THSD1: variants seen among roughly 807,000 people sequenced by gnomAD.
THSD1 encodes thrombospondin type 1 domain containing 1.
THSD1 carries 34 observed loss-of-function variants against 46.3 expected under a neutral mutation model. The observed-to-expected ratio is 0.74, with a 90% CI of 0.56 to 0.98. The LOEUF (loss-of-function observed/expected upper bound fraction) is 0.98, where lower values mean the gene tolerates loss of function less well. Among genes scored for constraint, THSD1 ranks in the 50% least tolerant of loss-of-function variants. The pLI is 0.00. For synonymous variants in THSD1, 407 were observed against 416.5 expected (o/e 0.98, Z 0.28); for missense variants, 1,023 against 1,058.3 (o/e 0.97, Z 0.46).
chr13:52,398,173 A>T lies in THSD1; in HGVS notation c.80T>A (p.Leu27His). The change falls in exon 3 of 5, where the codon CTT (leucine) becomes CAT (histidine). Residue 27 changes from leucine to histidine, a missense_variant. Coordinates refer to ENST00000258613, the MANE Select transcript of THSD1 (RefSeq NM_018676.4). The part of the protein sequence containing the change: ...CDYVLGEAEY[L>H]LLREPGHVAL... ...TACATGGCCTGGCTCTCTCAAGAGA[A>T]GATATTCAGCTTCTCCAAGAACTGA... is the stretch of plus-strand genomic sequence containing the variant. 1 of 1,613,150 alleles carries T rather than the reference A, an allele frequency of 6.2e-7. No homozygotes were observed. The highest frequency in any genetic ancestry group is 1.3e-5 in the African/African-American group (1 of 75,046).
intron 3 of THSD1, among the ~76,000 whole-genome samples, chr13:52,391,833 G>A (rs1001989742): frequency 2.0e-5 from 3 of 151,402 alleles, no homozygotes; most frequent in African/African-American, 7.3e-5. Context: ...GTGAGCCACC[G>A]CAGCCGGCAA....
rs755536945 is a variant in THSD1 at position 52,378,698 on chromosome 13, C to T, written c.1272G>A (p.Leu424=). Residue 424 remains leucine (L), a synonymous_variant, in exon 5 of 5, where the codon TTG becomes TTA. Coordinates refer to ENST00000258613, the MANE Select transcript of THSD1 (RefSeq NM_018676.4). ...TGAGCACAGTGGCAATGATGATGAA[C>T]AAGCACAAGGATATACCAGTGACAG... ...IVTVTGISLC[L]FIIIATVLIT... is the part of the protein sequence containing the mutation. The T allele has an allele frequency of 3.1e-6, 5 of 1,614,012 alleles. No homozygotes were observed. The Admixed American group carries it at 5.0e-5, about 16-fold the overall frequency.
intron 4 of THSD1, among the ~76,000 whole-genome samples, chr13:52,382,936 A>T (rs1482237056): frequency 6.6e-6 from 1 of 151,838 alleles, no homozygotes; most frequent in Non-Finnish European, 1.5e-5. Context: ...CAGGAGGCGG[A>T]GGTTGCAGTG....
chr13:52,397,108 G>C (rs1044206025), intron 3 of THSD1, 124 bp downstream of exon 3: 7 of 850,582 alleles, frequency 8.2e-6, no homozygotes, highest in Non-Finnish European at 1.1e-5. Flanking sequence ...ATGCCAATTG[G>C]TACATTATAA....
rs778224543 is a variant in THSD1 at position 52,397,660 on chromosome 13, T to C, written c.593A>G (p.Gln198Arg). The change falls in exon 3 of 5, where the codon CAA becomes CGA. Residue 198 changes from glutamine to arginine, a missense_variant. Physicochemically the swap from Gln to Arg is conservative, Grantham distance 43. Coordinates refer to ENST00000258613, the MANE Select transcript of THSD1 (RefSeq NM_018676.4). ...ACAGCCAAACTCAACCCACTGACCT[T>C]GAGCAAGTTCTGTCCTTTTGCTGGT... ...IRTSKRTELAQGQWVEFGCAP... is the reference protein window; with the variant it reads ...IRTSKRTELARGQWVEFGCAP... 6.2e-7 allele frequency: 1 copy of C among 1,614,246 alleles called. No individual in the cohort carries two copies. The highest frequency in any genetic ancestry group is 8.5e-7 in the Non-Finnish European group (1 of 1,180,046).
At chr13:52,394,860 A>G (rs1024280632) in intron 3 of THSD1, among the ~76,000 whole-genome samples, 6 of 152,174 alleles carry the variant, frequency 3.9e-5, no homozygotes, top group African/African-American at 9.7e-5. Flanking sequence ...GAGGGGATTT[A>G]TAGGGGGAGA....
chr13:52,387,671 G>A (rs1957743097), intron 3 of THSD1, among the ~76,000 whole-genome samples: 1 of 152,026 alleles, frequency 6.6e-6, no homozygotes, highest in African/African-American at 2.4e-5. Context: ...TTTAAAATAT[G>A]GTAACACAGA....
chr13:52,378,471 C>T lies in THSD1; in HGVS notation c.1499G>A (p.Arg500Gln). The change falls in exon 5 of 5, where the codon CGG becomes CAG. Residue 500 changes from arginine (R) to glutamine (Q), a missense_variant. Physicochemically the swap from Arg to Gln is conservative, Grantham distance 43. Transcript: ENST00000258613. ...ATCCTCGGGAGGTACCGGCCCGCTCCGCCTGTAGGTCAGAGGGATGCCTGT... is the reference window on the plus strand; with the variant it reads ...ATCCTCGGGAGGTACCGGCCCGCTCTGCCTGTAGGTCAGAGGGATGCCTGT... ...GDTGIPLTYR[R>Q]SGPVPPEDDA... 1 of 1,614,190 alleles carries T rather than the reference C, an allele frequency of 6.2e-7. No individual in the cohort carries two copies. The highest frequency in any genetic ancestry group is 1.3e-5 in the African/African-American group (1 of 75,048).
intron 4 of THSD1, 81 bp from the exon 5 acceptor site, chr13:52,378,870 T>G (rs1383301697): frequency 1.1e-5 from 15 of 1,411,158 alleles, no homozygotes; most frequent in South Asian, 1.5e-5. Context: ...TTTCTTTTTT[T>G]TTTTTTTTTT....
Position 52,378,453 on chromosome 13 carries a change from G to A in THSD1, c.1517C>T (p.Pro506Leu). ...LTYRRSGPVP[P>L]EDDASGSESF... The stretch of plus-strand genomic sequence containing the variant: ...CTCGCTGCCAGAGGCATCATCCTCG[G>A]GAGGTACCGGCCCGCTCCGCCTGTA... Residue 506 changes from proline to leucine, a missense_variant, in exon 5 of 5, where the codon CCC becomes CTC. Physicochemically the swap from Pro to Leu is moderately conservative, Grantham distance 98 (BLOSUM62 -3). Around this residue, in one of 3 missense-constraint regions of THSD1, gnomAD observed 578 missense variants for 497.4 expected, o/e 1.16. Coordinates refer to ENST00000258613, the MANE Select transcript of THSD1 (RefSeq NM_018676.4). 1 of 1,614,160 alleles carries A rather than the reference G, an allele frequency of 6.2e-7. No individual in the cohort carries two copies. The highest frequency in any genetic ancestry group is 8.5e-7 in the Non-Finnish European group (1 of 1,180,042).
At chr13:52,390,243 G>A (rs1008180117) in intron 3 of THSD1, among the ~76,000 whole-genome samples, 1 of 151,954 alleles carries the variant, frequency 6.6e-6, no homozygotes, top group Non-Finnish European at 1.5e-5. Flanking sequence ...AACACACTCT[G>A]CATAAAACAC....
In THSD1 at chr13:52,377,175, T is replaced by C. The variant is rs1323442033; in HGVS notation, c.*236A>G. On this transcript the variant is annotated 3_prime_UTR_variant, in exon 5 of 5. Coordinates refer to ENST00000258613, the MANE Select transcript of THSD1 (RefSeq NM_018676.4). ...TGACAGACCAAGCCCCATTTGCTCA[T>C]TTACATTTTATTATCATTGTTATTA... 1 of 1,249,800 alleles carries C rather than the reference T, an allele frequency of 8.0e-7. No individual in the cohort carries two copies. The highest frequency in any genetic ancestry group is 1.0e-6 in the Non-Finnish European group (1 of 994,376). 77.4% of individuals were successfully genotyped at this position (1,249,800 alleles called of 1,614,324 possible).
rs1957640309 is a variant in THSD1, at chr13:52,377,332, C to T, written c.*79G>A. On this transcript the variant is annotated 3_prime_UTR_variant, in exon 5 of 5. Coordinates refer to ENST00000258613, the MANE Select transcript of THSD1 (RefSeq NM_018676.4). ...TACTTCCTCCTCACATTCTGTCCTA[C>T]GGTACAAATAGTTACACAAAAGTCT... 15 of 1,440,470 alleles carry T rather than the reference C, an allele frequency of 1.0e-5. No homozygotes were observed. The highest frequency in any genetic ancestry group is 5.6e-5 in the Admixed American group (2 of 35,406). 89.2% of individuals were successfully genotyped at this position (1,440,470 alleles called of 1,614,324 possible). A position where few individuals can be genotyped will look rare whatever the true frequency, so the allele number is the denominator to read the frequency against.
intron 1 of THSD1, chr13:52,403,038 G>T: frequency 3.9e-6 from 3 of 771,366 alleles, no homozygotes; most frequent in Non-Finnish European, 4.7e-6. Flanking sequence ...TTATTTATCT[G>T]CTTGGCATTT....
chr13:52,399,060 T>C (rs1043856549), intron 2 of THSD1, among the ~76,000 whole-genome samples: 1 of 152,266 alleles, frequency 6.6e-6, no homozygotes, highest in African/African-American at 2.4e-5. Flanking sequence ...TTATGCTGCA[T>C]GGATAACCGA....
At chr13:52,398,322 G>A in intron 2 of THSD1, 128 bp from the exon 3 acceptor site, 1 of 1,415,248 alleles carries the variant, frequency 7.1e-7, no homozygotes, top group Non-Finnish European at 9.4e-7. Flanking sequence ...CGAGGCTAGA[G>A]TGCAGTGGCG....
chr13:52,397,680 G>A lies in THSD1; in HGVS notation c.573C>T (p.Ser191=). Residue 191 remains serine (S), a synonymous_variant, in exon 3 of 5, where the codon AGC becomes AGT. Coordinates refer to ENST00000258613, the MANE Select transcript of THSD1 (RefSeq NM_018676.4). ...GACCTTGAGCAAGTTCTGTCCTTTT[G>A]CTGGTTCTTATTTCCAGCGGCTGTC... ...NSRQPLEIRT[S]KRTELAQGQW... is the part of the protein sequence containing the mutation. The A allele has an allele frequency of 3.1e-6, 5 of 1,614,186 alleles. No individual in the cohort carries two copies. The highest frequency in any genetic ancestry group is 4.2e-6 in the Non-Finnish European group (5 of 1,180,034).
In THSD1 at chr13:52,378,451, C is replaced by A. The variant is rs1338779210; in HGVS notation, c.1519G>T (p.Glu507Ter). 2 of 1,614,036 alleles carry A rather than the reference C, an allele frequency of 1.2e-6. No individual in the cohort carries two copies. Among genetic ancestry groups the A allele is most frequent in the Non-Finnish European group, 1.7e-6 (2 of 1,180,044 alleles). The change falls in exon 5 of 5, where the codon GAG (glutamate) becomes TAG (stop). Residue 507 changes from glutamate (E) to a stop codon, truncating the protein, a stop_gained. Coordinates refer to ENST00000258613, the MANE Select transcript of THSD1 (RefSeq NM_018676.4). LOFTEE classifies it low-confidence loss of function (END_TRUNC). ...TYRRSGPVPP[E>*]DDASGSESFQ... ...CTCTCGCTGCCAGAGGCATCATCCT[C>A]GGGAGGTACCGGCCCGCTCCGCCTG...
intron 2 of THSD1, chr13:52,399,986 T>C (rs1047663394): frequency 4.3e-4 from 68 of 156,638 alleles, no homozygotes; most frequent in Non-Finnish European, 9.1e-4. Flanking sequence ...CTTAGTTAAC[T>C]AATGAAAGTC....
Sources: gnomAD v4.1 joint callset for allele counts (sites outside exome capture counted in the v4.1 genomes callset) on GRCh38, gnomAD v4.1.1 for gene constraint, gnomAD v4.1.1 regional missense constraint, MANE v1.5 for transcripts, NCBI Gene and HGNC (gene_info 2026-07-23, HGNC 2026-07-21) for gene names.